The following SERGEF variants were observed in gnomAD, a reference collection of about 807,000 sequenced individuals.
The protein encoded by SERGEF is secretion-regulating guanine nucleotide exchange factor.
A neutral mutation model predicts 50.0 loss-of-function variants in SERGEF; 51 were observed. The ratio of observed to expected loss-of-function variants is 1.02; its 90% CI spans 0.81 to 1.29. The LOEUF is 1.29. Among genes scored for constraint, SERGEF ranks in the 50% most tolerant of loss-of-function variants. The pLI is 0.00. For synonymous variants in SERGEF, 205 were observed against 212.4 expected (o/e 0.97, Z 0.30); for missense variants, 521 against 557.0 (o/e 0.94, Z 0.65).
At chr11:17,809,791 C>T (rs1209319315) in intron 10 of SERGEF, among the ~76,000 whole-genome samples, 2 of 152,134 alleles carry the variant, frequency 1.3e-5, no homozygotes, top group Non-Finnish European at 2.9e-5. Context: ...GGATGGAAGT[C>T]GCAACCAGGT....
In SERGEF at chr11:17,903,246, G is replaced by T. The variant is rs574155724; in HGVS notation, c.1012-25002C>A. ...TCTAGTCTCTCTGAACCCCTGGACT[G>T]TGACTCACTGCGGAAGCCTACATGA... On this transcript the variant is annotated intron_variant, in intron 9 of 10. Coordinates refer to ENST00000265965, the MANE Select transcript of SERGEF (RefSeq NM_012139.4). 4.6e-5 allele frequency among the ~76,000 whole-genome samples: 7 copies of T among 152,282 alleles called. No homozygotes were observed. In the East Asian group the frequency reaches 1.2e-3, roughly 25 times the overall value.
At chr11:17,934,579 T>C (rs1852414217) in intron 9 of SERGEF, among the ~76,000 whole-genome samples, 1 of 152,170 alleles carries the variant, frequency 6.6e-6, no homozygotes, top group Non-Finnish European at 1.5e-5. Context: ...AATGGGGCAA[T>C]GACTGTGAGA....
intron 4 of SERGEF, among the ~76,000 whole-genome samples, chr11:18,002,929 A>G (rs774878279): frequency 6.6e-6 from 1 of 152,194 alleles, no homozygotes; most frequent in Non-Finnish European, 1.5e-5. Context: ...CAACCAACAT[A>G]TTTTAACCAT....
intron 8 of SERGEF, among the ~76,000 whole-genome samples, chr11:17,978,157 C>G (rs1273134750): frequency 6.6e-6 from 1 of 152,140 alleles, no homozygotes. Context: ...ATGAACCCTA[C>G]CTTAAGGGGC....
chr11:17,865,892 T>C (rs1490335119), intron 10 of SERGEF, among the ~76,000 whole-genome samples: 2 of 152,338 alleles, frequency 1.3e-5, no homozygotes, highest in South Asian at 2.1e-4. Flanking sequence ...TATATAATAA[T>C]GTCCTGGGCC....
intron 9 of SERGEF, among the ~76,000 whole-genome samples, chr11:17,911,344 A>G (rs900872568): frequency 2.0e-5 from 3 of 146,764 alleles, no homozygotes; most frequent in East Asian, 3.9e-4. Context: ...TATATTATAT[A>G]TAATATATAT....
chr11:17,824,264 G>A (rs1850143184), intron 10 of SERGEF, among the ~76,000 whole-genome samples: 1 of 150,314 alleles, frequency 6.7e-6, no homozygotes, highest in Admixed American at 6.6e-5. Flanking sequence ...TCGCACCACT[G>A]CACTCCAGCC....
chr11:18,008,663 A>G (rs1382285891), intron 1 of SERGEF, among the ~76,000 whole-genome samples: 3 of 151,942 alleles, frequency 2.0e-5, no homozygotes, highest in African/African-American at 7.3e-5. Flanking sequence ...CTGACTGAGA[A>G]CAAGACAGCC....
chr11:17,803,372 T>A (rs1312431829), intron 10 of SERGEF, among the ~76,000 whole-genome samples: 4 of 152,192 alleles, frequency 2.6e-5, no homozygotes, highest in Admixed American at 2.6e-4. Flanking sequence ...CTTTCTGAGA[T>A]GAAGGAAAGC....
intron 7 of SERGEF, 147 bp from the exon 8 acceptor site, chr11:17,988,902 A>G (rs1346446057): frequency 9.2e-6 from 6 of 650,190 alleles, no homozygotes; most frequent in Non-Finnish European, 1.2e-5. Context: ...AGGTTACAAA[A>G]TTTGTGTACA....
At chr11:17,998,273 T>C (rs879843172) in intron 5 of SERGEF, among the ~76,000 whole-genome samples, 1 of 151,200 alleles carries the variant, frequency 6.6e-6, no homozygotes, top group Non-Finnish European at 1.5e-5. Context: ...TAAAATTAGC[T>C]GAGTGTGGTG....
rs1473548241 is a variant in SERGEF, at chr11:17,884,423, G to A, written c.1012-6179C>T. On this transcript the variant is annotated intron_variant, in intron 9 of 10. Transcript: ENST00000265965. This position sits in a 1 kb window ranked among gnomAD's most constrained non-coding sequence, Gnocchi z 4.6. Reference sequence around the variant, plus strand: ...AGGGCGAGGGAATGGGCGTCTCGGTGCCGCCTTTGCTAGAGCTCTGCCCAA... The same window carrying A: ...AGGGCGAGGGAATGGGCGTCTCGGTACCGCCTTTGCTAGAGCTCTGCCCAA... Among the ~76,000 whole-genome samples, 1 of 152,158 alleles carries A rather than the reference G, an allele frequency of 6.6e-6. No homozygotes were observed. The highest frequency in any genetic ancestry group is 2.4e-5 in the African/African-American group (1 of 41,444).
At chr11:17,952,935 C>G (rs1259582404) in intron 9 of SERGEF, among the ~76,000 whole-genome samples, 1 of 152,142 alleles carries the variant, frequency 6.6e-6, no homozygotes, top group Non-Finnish European at 1.5e-5. Context: ...CTCTATCTGG[C>G]TGCTCTTCCT....
intron 5 of SERGEF, 55 bp from the exon 6 acceptor site, chr11:17,995,964 G>C (rs1590240922): frequency 6.2e-6 from 8 of 1,288,800 alleles, no homozygotes; most frequent in Non-Finnish European, 8.9e-6. Context: ...GATAAGACTA[G>C]ATTGCTCTTT....
chr11:17,955,040 C>T (rs1436340063), intron 9 of SERGEF, among the ~76,000 whole-genome samples: 1 of 152,196 alleles, frequency 6.6e-6, no homozygotes. Context: ...GATTACAAAA[C>T]TAGGTTCAGC....
At chr11:17,918,374 T>C (rs967801384) in intron 9 of SERGEF, among the ~76,000 whole-genome samples, 3 of 152,158 alleles carry the variant, frequency 2.0e-5, no homozygotes, top group Non-Finnish European at 2.9e-5. Context: ...CACCAGAAGG[T>C]AGCAGCTCCC....
intron 8 of SERGEF, among the ~76,000 whole-genome samples, chr11:17,986,215 C>T (rs952954843): frequency 6.6e-6 from 1 of 152,112 alleles, no homozygotes; most frequent in African/African-American, 2.4e-5. Context: ...AATAGAAGCC[C>T]TGGGTGTTTC....
At chr11:17,883,632 C>A (rs1458924691) in intron 9 of SERGEF, among the ~76,000 whole-genome samples, 2 of 152,190 alleles carry the variant, frequency 1.3e-5, no homozygotes, top group Non-Finnish European at 2.9e-5. Flanking sequence ...AGCTTTCTTC[C>A]TCAAAACGGT....
chr11:17,803,883 G>C (rs1371783560), intron 10 of SERGEF, among the ~76,000 whole-genome samples: 1 of 152,194 alleles, frequency 6.6e-6, no homozygotes, highest in African/African-American at 2.4e-5. Context: ...TCAGATTACT[G>C]TTTGTCTGAG....
Sources: allele counts gnomAD v4.1 joint callset (sites outside exome capture counted in the v4.1 genomes callset), GRCh38; gene constraint gnomAD v4.1.1; non-coding constraint Gnocchi (gnomAD v3.1); transcripts MANE v1.5; gene names NCBI Gene and HGNC (gene_info 2026-07-23, HGNC 2026-07-21).